The following SERPING1 variants were observed in gnomAD, a reference collection of about 807,000 sequenced individuals.
The protein encoded by SERPING1 is plasma protease C1 inhibitor.
A neutral mutation model predicts 34.1 loss-of-function variants in SERPING1; 5 were observed. That is an observed-to-expected ratio of 0.15 (90% CI 0.08 to 0.31). The LOEUF is 0.31. SERPING1 is among the 10% of genes least tolerant of loss of function. SERPING1 has a pLI of 1.00. For synonymous variants in SERPING1, 225 were observed against 242.4 expected, an observed-to-expected ratio of 0.93 and a Z score of 0.67; for missense variants, 505 against 609.5, an observed-to-expected ratio of 0.83 and a Z score of 1.81.
intron 3 of SERPING1, 84 bp downstream of exon 3, chr11:57,600,461 C>T: frequency 1.3e-6 from 2 of 1,493,152 alleles, no homozygotes; most frequent in Non-Finnish European, 1.9e-6. Flanking sequence ...CAAAGCCATG[C>T]CTCTGGGAAG....
Position 57,598,244 on chromosome 11 carries a change from C to T in SERPING1, c.-22-5C>T, listed in dbSNP as rs766182685. On this transcript the variant is annotated splice_polypyrimidine_tract_variant and splice_region_variant and intron_variant, in intron 1 of 7. Transcript: ENST00000278407. ...AGCTGGCTCCGAGGCTGGCTGGCTCCGCAGGTCCGCTGACGTCGCCGCCCA... is the reference window on the plus strand; with the variant it reads ...AGCTGGCTCCGAGGCTGGCTGGCTCTGCAGGTCCGCTGACGTCGCCGCCCA... The T allele has an allele frequency of 1.9e-6, 3 of 1,543,856 alleles. No individual in the cohort carries two copies. Among genetic ancestry groups the T allele is most frequent in the African/African-American group, 1.4e-5 (1 of 72,872 alleles).
chr11:57,600,148 C>G lies in SERPING1; in HGVS notation c.321C>G (p.Thr107=). ...QPTIQPTQPT[T]QLPTDSPTQP... ...CCATCCAACCCACCCAACCAACTAC[C>G]CAGCTCCCAACAGATTCTCCTACCC... The change falls in exon 3 of 8, where the codon ACC becomes ACG. Residue 107 remains threonine, a synonymous_variant. Transcript: ENST00000278407. 1 of 1,613,358 alleles carries G rather than the reference C, an allele frequency of 6.2e-7. No homozygotes were observed. Among genetic ancestry groups the G allele is most frequent in the Non-Finnish European group, 8.5e-7 (1 of 1,179,518 alleles).
At chr11:57,605,378 A>C (rs966988603) in intron 4 of SERPING1, among the ~76,000 whole-genome samples, 5 of 151,542 alleles carry the variant, frequency 3.3e-5, no homozygotes, top group African/African-American at 1.2e-4. Context: ...AGCTCACTGC[A>C]ACCTCCGTCT....
At chr11:57,614,287 A>G (rs373629036) in intron 7 of SERPING1, 41 bp from the exon 8 acceptor site, 31 of 1,609,612 alleles carry the variant, frequency 1.9e-5, no homozygotes, top group Non-Finnish European at 2.4e-5. Context: ...TGAGGGTATC[A>G]TGCTGGCTTC....
At chr11:57,612,694 G>A (rs772623719) in intron 7 of SERPING1, among the ~76,000 whole-genome samples, 9 of 151,984 alleles carry the variant, frequency 5.9e-5, no homozygotes, top group Non-Finnish European at 1.0e-4. Context: ...TGGGATTACA[G>A]GCATGAGTCA....
intron 1 of SERPING1, 29 bp from the exon 2 acceptor site, chr11:57,598,220 G>T (rs769753632): frequency 5.2e-6 from 8 of 1,530,412 alleles, no homozygotes; most frequent in Non-Finnish European, 7.1e-6. Flanking sequence ...CAGGGTGGGA[G>T]CTGGCTCCGA....
intron 4 of SERPING1, among the ~76,000 whole-genome samples, chr11:57,604,667 C>CT (rs1565171206): frequency 1.3e-5 from 2 of 151,472 alleles, no homozygotes; most frequent in Admixed American, 1.3e-4. Flanking sequence ...AAAAGGAAAA[C>CT]TTTTTTTTAA....
In SERPING1 at chr11:57,614,701, C is replaced by T; in HGVS notation, c.*120C>T. 8.2e-7 allele frequency: 1 copy of T among 1,212,432 alleles called. No homozygotes were observed. Among genetic ancestry groups the T allele is most frequent in the Admixed American group, 2.2e-5 (1 of 45,328 alleles). 75.1% of individuals were successfully genotyped at this position (1,212,432 alleles called of 1,614,324 possible). On this transcript the variant is annotated 3_prime_UTR_variant, in exon 8 of 8. Transcript: ENST00000278407. ...CCTCCTGCCTCAGGTGTCCGCTATC[C>T]ACCAAAAGGGCTCCCTGAGGGTCTG...
In SERPING1 at chr11:57,614,588, C is replaced by G. The variant is rs1012901136; in HGVS notation, c.*7C>G. 1.9e-6 allele frequency: 3 copies of G among 1,613,016 alleles called. No individual in the cohort carries two copies. Among genetic ancestry groups the G allele is most frequent in the Non-Finnish European group, 2.5e-6 (3 of 1,179,952 alleles). On this transcript the variant is annotated 3_prime_UTR_variant, in exon 8 of 8. Transcript: ENST00000278407. ...ATATGACCCCAGGGCCTGAGACCTG[C>G]AGGATCAGGTTAGGGCGAGCGCTAC...
At position 57,600,229 on chromosome 11, in the gene SERPING1, G is replaced by A. The variant is rs368340146; in HGVS notation, c.402G>A (p.Glu134=). 6.7e-5 allele frequency: 108 copies of A among 1,613,980 alleles called. No homozygotes were observed. Among genetic ancestry groups the A allele is most frequent in the Non-Finnish European group, 7.9e-5 (93 of 1,180,036 alleles). The change falls in exon 3 of 8, where the codon GAG becomes GAA. Residue 134 remains glutamate (E), a synonymous_variant. Coordinates refer to ENST00000278407, the MANE Select transcript of SERPING1 (RefSeq NM_000062.3). ...PGPVTLCSDL[E]SHSTEAVLGD... ...CTGTTACTCTCTGCTCTGACTTGGA[G>A]AGTCATTCAACAGAGGCCGTGTTGG...
At chr11:57,598,612 A>G (rs1387025095) in intron 2 of SERPING1, among the ~76,000 whole-genome samples, 1 of 152,120 alleles carries the variant, frequency 6.6e-6, no homozygotes, top group Non-Finnish European at 1.5e-5. Flanking sequence ...ATGTTGAATA[A>G]ACAGATCCCA....
At chr11:57,599,058 C>T (rs1019243356) in intron 2 of SERPING1, among the ~76,000 whole-genome samples, 2 of 151,938 alleles carry the variant, frequency 1.3e-5, no homozygotes, top group African/African-American at 2.4e-5. Context: ...TCTGTGAGAC[C>T]CTGGACTAGT....
chr11:57,600,553 C>T (rs927832155), intron 3 of SERPING1, among the ~76,000 whole-genome samples, 176 bp downstream of exon 3: 3 of 152,132 alleles, frequency 2.0e-5, no homozygotes, highest in Non-Finnish European at 2.9e-5. Flanking sequence ...CATCATTTCA[C>T]AGTGATGTAA....
chr11:57,606,561 C>A lies in SERPING1; in HGVS notation c.1029+14C>A, dbSNP rs752588879. The A allele has an allele frequency of 4.3e-6, 7 of 1,613,708 alleles. No homozygotes were observed. The East Asian group carries it at 1.3e-4, about 31-fold the overall frequency. ...TTGAAAGCCAAGGTAAGTTCTTAAC[C>A]TTTCCTTCTCCTGTTTGAAACCTAC... On this transcript the variant is annotated intron_variant, in intron 6 of 7. Coordinates refer to ENST00000278407, the MANE Select transcript of SERPING1 (RefSeq NM_000062.3).
At position 57,611,886 on chromosome 11, in the gene SERPING1, G is replaced by A. The variant is rs773040870; in HGVS notation, c.1199G>A (p.Arg400His). ...KFQPTLLTLP[R>H]IKVTTSQDML... ...CAGCCCACTCTCCTAACACTACCCC[G>A]CATCAAAGTGACGACCAGCCAGGAT... The change falls in exon 7 of 8, where the codon CGC (arginine) becomes CAC (histidine). Residue 400 changes from arginine to histidine, a missense_variant. Transcript: ENST00000278407. The A allele has an allele frequency of 2.4e-5, 38 of 1,613,980 alleles. No individual in the cohort carries two copies. Among genetic ancestry groups the A allele is most frequent in the Admixed American group, 2.2e-4 (13 of 59,990 alleles).
At chr11:57,611,521 C>G in intron 6 of SERPING1, 196 bp from the exon 7 acceptor site, 1 of 631,246 alleles carries the variant, frequency 1.6e-6, no homozygotes. Context: ...TACCTCTCCC[C>G]AGCACAGAGT....
At position 57,606,091 on chromosome 11, in the gene SERPING1, A is replaced by C; in HGVS notation, c.767A>C (p.Asp256Ala). 1 of 1,614,114 alleles carries C rather than the reference A, an allele frequency of 6.2e-7. No homozygotes were observed. Among genetic ancestry groups the C allele is most frequent in the Non-Finnish European group, 8.5e-7 (1 of 1,180,026 alleles). The part of the protein sequence containing the change: ...SSPRVLSNNS[D>A]ANLELINTWV... ...CCCAGAGTCCTAAGCAACAACAGTGACGCCAACTTGGAGCTCATCAACACC... is the reference window on the plus strand; with the variant it reads ...CCCAGAGTCCTAAGCAACAACAGTGCCGCCAACTTGGAGCTCATCAACACC... The change falls in exon 5 of 8, where the codon GAC (aspartate) becomes GCC (alanine). Residue 256 changes from aspartate to alanine, a missense_variant. Asp to Ala is a moderately radical substitution (Grantham distance 126). Transcript: ENST00000278407.
chr11:57,606,176 T>A lies in SERPING1; in HGVS notation c.852T>A (p.Asp284Glu). 6.2e-7 allele frequency: 1 copy of A among 1,614,172 alleles called. No homozygotes were observed. The highest frequency in any genetic ancestry group is 8.5e-7 in the Non-Finnish European group (1 of 1,180,022). The change falls in exon 5 of 8, where the codon GAT becomes GAA. Residue 284 changes from aspartate (D) to glutamate (E), a missense_variant. Transcript: ENST00000278407. ...ISRLLDSLPSDTRLVLLNAIY... is the reference protein window; with the variant it reads ...ISRLLDSLPSETRLVLLNAIY... ...GGCTGCTAGACAGTCTGCCCTCCGA[T>A]ACCCGCCTTGTCCTCCTCAATGCTA...
Position 57,614,609 on chromosome 11 carries a change from G to T in SERPING1, c.*28G>T. ...CCTGCAGGATCAGGTTAGGGCGAGC[G>T]CTACCTCTCCAGCCTCAGCTCTCAG... On this transcript the variant is annotated 3_prime_UTR_variant, in exon 8 of 8. Transcript: ENST00000278407. The T allele has an allele frequency of 1.2e-6, 2 of 1,608,166 alleles. No individual in the cohort carries two copies.
Sources: allele counts gnomAD v4.1 joint callset (sites outside exome capture counted in the v4.1 genomes callset), GRCh38; gene constraint gnomAD v4.1.1; transcripts MANE v1.5; gene names NCBI Gene and HGNC (gene_info 2026-07-23, HGNC 2026-07-21).